The following ACER1 variants were observed in gnomAD, a reference collection of about 807,000 sequenced individuals.
The protein encoded by ACER1 is alkaline ceramidase 1.
In ACER1, 28 loss-of-function variants were observed where a neutral mutation model predicts 24.9. The ratio of observed to expected loss-of-function variants is 1.13; its 90% CI spans 0.83 to 1.54. The LOEUF is 1.54. Among genes scored for constraint, ACER1 ranks in the 40% most tolerant of loss-of-function variants. ACER1 has a pLI of 0.00. For missense variants in ACER1, 352 were observed against 349.3 expected, an observed-to-expected ratio of 1.01 and a Z score of -0.06; for synonymous variants, 132 against 131.4, an observed-to-expected ratio of 1.00 and a Z score of -0.03.
chr19:6,315,612 C>T (rs559038964), intron 1 of ACER1, among the ~76,000 whole-genome samples: 25 of 152,218 alleles, frequency 1.6e-4, no homozygotes, highest in African/African-American at 6.0e-4. Context: ...ATCTCCTGAT[C>T]CTGTGATCCA....
At position 6,306,771 on chromosome 19, in the gene ACER1, G is replaced by A. The variant is rs762785665; in HGVS notation, c.738C>T (p.Asp246=). 2 of 1,614,028 alleles carry A rather than the reference G, an allele frequency of 1.2e-6. No individual in the cohort carries two copies. Among genetic ancestry groups the A allele is most frequent in the Admixed American group, 1.7e-5 (1 of 59,984 alleles). The change falls in exon 6 of 6, where the codon GAC becomes GAT. Residue 246 remains aspartate (D), a synonymous_variant. Coordinates refer to ENST00000301452, the MANE Select transcript of ACER1 (RefSeq NM_133492.3). The part of the protein sequence containing the change: ...ETLKVRYWPR[D]SWPVGLPYVE... The stretch of plus-strand genomic sequence containing the variant: ...CGTAGGGCAGCCCCACGGGCCAACT[G>A]TCCCGAGGCCAGTAGCGGACTTTGA...
At chr19:6,356,295 C>A in the ACER1 span, among the ~76,000 whole-genome samples, 1 of 148,572 alleles carries the variant, frequency 6.7e-6, no homozygotes, top group African/African-American at 2.6e-5. Flanking sequence ...AGAGTCATCA[C>A]CACTCCCTAA....
chr19:6,339,908 G>A, the ACER1 span, among the ~76,000 whole-genome samples: 2 of 151,518 alleles, frequency 1.3e-5, no homozygotes, highest in East Asian at 2.0e-4. Context: ...CTCATGATCC[G>A]CCCGCCTCAG....
the ACER1 span, among the ~76,000 whole-genome samples, chr19:6,349,578 G>A: frequency 9.2e-5 from 14 of 152,160 alleles, no homozygotes; most frequent in Non-Finnish European, 1.5e-4. Context: ...AGTTAAAGTG[G>A]TATTGAGCAT....
rs1600234003 is a variant in ACER1, at chr19:6,309,836, T to C, written c.351-2A>G. 19 of 1,613,706 alleles carry C rather than the reference T, an allele frequency of 1.2e-5. No homozygotes were observed. The highest frequency in any genetic ancestry group is 1.5e-5 in the Non-Finnish European group (18 of 1,179,928). On this transcript the variant is annotated splice_acceptor_variant, in intron 3 of 5. Transcript: ENST00000301452. LOFTEE classifies it high-confidence loss of function. ...AAGACCAGGCGGATGAACTGGGACC[T>C]GGGGAGGAAGGGGCTCAGCTGTAGG...
intron 1 of ACER1, among the ~76,000 whole-genome samples, chr19:6,331,021 C>G (rs2091684261): frequency 6.7e-6 from 1 of 149,794 alleles, no homozygotes; most frequent in Non-Finnish European, 1.5e-5. Context: ...CCTTGAACAC[C>G]TGTTTTATCA....
chr19:6,356,071 C>T, the ACER1 span, among the ~76,000 whole-genome samples: 1 of 151,372 alleles, frequency 6.6e-6, no homozygotes, highest in Non-Finnish European at 1.5e-5. Context: ...CGGATGGTTG[C>T]CATGTCTGTG....
At chr19:6,336,416 C>T (rs778197502), upstream of ACER1, among the ~76,000 whole-genome samples, 9 of 152,146 alleles carry the variant, frequency 5.9e-5, no homozygotes, top group Non-Finnish European at 1.0e-4. Flanking sequence ...AGGAACACCA[C>T]CTCTATGATG....
the ACER1 span, among the ~76,000 whole-genome samples, chr19:6,344,528 C>T: frequency 8.6e-5 from 13 of 151,528 alleles, no homozygotes; most frequent in South Asian, 1.9e-3. Flanking sequence ...CCTAGTAGCT[C>T]GGACTACAGG....
At chr19:6,330,468 C>A (rs2091681839) in intron 1 of ACER1, among the ~76,000 whole-genome samples, 1 of 150,152 alleles carries the variant, frequency 6.7e-6, no homozygotes, top group Non-Finnish European at 1.5e-5. Context: ...GGTGCCCAGC[C>A]CACAGCTAGT....
the ACER1 span, among the ~76,000 whole-genome samples, chr19:6,352,709 G>C: frequency 6.6e-6 from 1 of 152,220 alleles, no homozygotes; most frequent in African/African-American, 2.4e-5. Flanking sequence ...AGTGGGTTCT[G>C]TGAATTTGAA....
chr19:6,329,710 C>A (rs1437145363), intron 1 of ACER1, among the ~76,000 whole-genome samples: 3 of 151,866 alleles, frequency 2.0e-5, no homozygotes, highest in Admixed American at 6.6e-5. Flanking sequence ...TTTCTAGGTG[C>A]TTTTTATTTT....
upstream of ACER1, among the ~76,000 whole-genome samples, chr19:6,334,174 A>G (rs981229183): frequency 4.4e-4 from 66 of 151,582 alleles, no homozygotes; most frequent in African/African-American, 1.5e-3. Flanking sequence ...CCTCCCGAGT[A>G]GCTGGGACTA....
chr19:6,327,862 G>T (rs1187079569), intron 1 of ACER1, among the ~76,000 whole-genome samples: 1 of 151,510 alleles, frequency 6.6e-6, no homozygotes. Flanking sequence ...GGATCACGAG[G>T]TCAGGGGTTC....
intron 3 of ACER1, among the ~76,000 whole-genome samples, chr19:6,311,717 T>A (rs1464756208): frequency 1.3e-5 from 2 of 151,404 alleles, no homozygotes; most frequent in African/African-American, 2.4e-5. Context: ...AGGAGATTAT[T>A]TCACAGGGGT....
chr19:6,330,028 G>A lies in ACER1; in HGVS notation c.93+3431C>T, dbSNP rs940992858. On this transcript the variant is annotated intron_variant, in intron 1 of 5. Coordinates refer to ENST00000301452, the MANE Select transcript of ACER1 (RefSeq NM_133492.3). ...TGGGACCACAGGCGCCCGCCACCAC[G>A]CCCAGCTAATTTTTTTGTATTTTTA... 2.0e-4 allele frequency among the ~76,000 whole-genome samples: 30 copies of A among 151,406 alleles called. 1 individual carries two copies. The highest frequency in any genetic ancestry group is 5.6e-4 in the African/African-American group (23 of 41,264).
rs1439140699 is a variant in ACER1 at position 6,324,589 on chromosome 19, C to A, written c.93+8870G>T. ...CCTGACCAACATGGAGAAACCCCAT[C>A]TCTACTAAAAAAAAAAAAATACAAA... On this transcript the variant is annotated intron_variant, in intron 1 of 5. Transcript: ENST00000301452. Among the ~76,000 whole-genome samples the A allele has an allele frequency of 4.1e-5, 6 of 145,734 alleles. No individual in the cohort carries two copies. In the Admixed American group the frequency reaches 4.2e-4, roughly 10 times the overall value.
chr19:6,324,865 A>AGGGAGGG (rs2091652171), intron 1 of ACER1, among the ~76,000 whole-genome samples: 1 of 79,628 alleles, frequency 1.3e-5, no homozygotes, highest in African/African-American at 9.1e-5. Flanking sequence ...GAGAGAAAGG[A>AGGGAGGG]AGGAAGGAAG....
At chr19:6,333,360 T>C in intron 1 of ACER1, 99 bp downstream of exon 1, 6 of 987,642 alleles carry the variant, frequency 6.1e-6, no homozygotes, top group Non-Finnish European at 7.3e-6. Flanking sequence ...CTGAGACAGG[T>C]GAACCACTCC....
Sources: gnomAD v4.1 joint callset for allele counts (sites outside exome capture counted in the v4.1 genomes callset) on GRCh38, gnomAD v4.1.1 for gene constraint, MANE v1.5 for transcripts, NCBI Gene and HGNC (gene_info 2026-07-23, HGNC 2026-07-21) for gene names.